LRP6: variants seen among roughly 807,000 people sequenced by gnomAD.
LRP6 encodes LDL receptor related protein 6.
LRP6 carries 43 observed loss-of-function variants against 184.1 expected under a neutral mutation model. The observed-to-expected ratio is 0.23, with a 90% CI of 0.18 to 0.30. The LOEUF (loss-of-function observed/expected upper bound fraction) is 0.30. Ranked by LOEUF, LRP6 falls within the 10% of genes least tolerant of loss-of-function variation. The probability of loss-of-function intolerance (pLI) is 1.00; values close to 1 mark genes in which losing one functional copy is unlikely to be tolerated. For missense variants in LRP6, 1,571 were observed against 2,005.3 expected, an observed-to-expected ratio of 0.78 and a Z score of 4.14; for synonymous variants, 719 against 684.9, an observed-to-expected ratio of 1.05 and a Z score of -0.78.
chr12:12,205,961 T>C (rs974230177), intron 2 of LRP6, among the ~76,000 whole-genome samples: 4 of 152,236 alleles, frequency 2.6e-5, no homozygotes, highest in Non-Finnish European at 5.9e-5. Flanking sequence ...CCTATAAAAC[T>C]ACAATACTGT....
intron 16 of LRP6, among the ~76,000 whole-genome samples, chr12:12,136,170 G>C (rs1400848847): frequency 6.6e-6 from 1 of 152,076 alleles, no homozygotes; most frequent in African/African-American, 2.4e-5. Flanking sequence ...CTGGGCGGCA[G>C]AGCAAGACTC....
intron 17 of LRP6, among the ~76,000 whole-genome samples, chr12:12,133,415 C>T (rs1414706810): frequency 2.6e-5 from 4 of 152,036 alleles, no homozygotes; most frequent in Non-Finnish European, 5.9e-5. Context: ...GTGTGTGGCA[C>T]TCCCTCTAGC....
intron 2 of LRP6, among the ~76,000 whole-genome samples, chr12:12,232,871 AGG>A (rs1864828977): frequency 6.6e-6 from 1 of 152,222 alleles, no homozygotes. Context: ...ACAAGAGGAA[AGG>A]GCTCAACTTA....
At chr12:12,230,843 GA>G (rs1047574932) in intron 2 of LRP6, among the ~76,000 whole-genome samples, 1 of 152,150 alleles carries the variant, frequency 6.6e-6, no homozygotes, top group African/African-American at 2.4e-5. Flanking sequence ...AACTTATCAA[GA>G]AAGTAGGAGA....
Position 12,266,807 on chromosome 12 carries a change from G to T in LRP6, c.-72C>A. The T allele has an allele frequency of 1.6e-6, 2 of 1,279,324 alleles. No individual in the cohort carries two copies. Among genetic ancestry groups the T allele is most frequent in the Non-Finnish European group, 2.2e-6 (2 of 891,922 alleles). The allele number at this position is 1,279,324 out of a possible 1,614,324, so 79.2% of individuals were successfully genotyped here. ...AGTGGGGGAGGCGAGGAGCCGGGGC[G>T]GCCGCCGCAGCGGCAGGGCTGCACG... On this transcript the variant is annotated 5_prime_UTR_variant, in exon 1 of 23. Coordinates refer to ENST00000261349, the MANE Select transcript of LRP6 (RefSeq NM_002336.3).
At chr12:12,257,779 C>CAAAAAAAAAAAAAAAAAAAAAA (rs1163180718) in intron 1 of LRP6, among the ~76,000 whole-genome samples, 7 of 35,326 alleles carry the variant, frequency 2.0e-4, no homozygotes, top group Admixed American at 5.9e-4. Context: ...CCTGTCTCTA[C>CAAAAAAAAAAAAAAAAAAAAAA]AAAAAAAAAA....
At chr12:12,213,303 T>C (rs1027312264) in intron 2 of LRP6, among the ~76,000 whole-genome samples, 1 of 152,134 alleles carries the variant, frequency 6.6e-6, no homozygotes, top group Non-Finnish European at 1.5e-5. Context: ...CATTTATTTA[T>C]TTTGCATCAC....
Position 12,121,444 on chromosome 12 carries a change from G to T in LRP6, c.4548-24C>A, listed in dbSNP as rs758481783. 16 of 1,610,254 alleles carry T rather than the reference G, an allele frequency of 9.9e-6. No individual in the cohort carries two copies. In the South Asian group the frequency reaches 1.6e-4, roughly 17 times the overall value. ...AGCTGGTATAGGGAGAAAATAAAGA[G>T]AAGCAGTTAGTTTTACAAAAAAAAA... On this transcript the variant is annotated intron_variant, in intron 22 of 22. Coordinates refer to ENST00000261349, the MANE Select transcript of LRP6 (RefSeq NM_002336.3).
In LRP6 at chr12:12,131,820, C is replaced by T; in HGVS notation, c.3970+1G>A. The stretch of plus-strand genomic sequence containing the variant: ...CTGAGGCACTGAAGAATTCTGGATA[C>T]CTTCACAGTTCTTCTCATCTGATTT... On this transcript the variant is annotated splice_donor_variant, in intron 18 of 22. Transcript: ENST00000261349. LOFTEE classifies it high-confidence loss of function. 1.2e-6 allele frequency: 2 copies of T among 1,612,356 alleles called. No homozygotes were observed. Among genetic ancestry groups the T allele is most frequent in the Non-Finnish European group, 1.7e-6 (2 of 1,178,376 alleles).
intron 2 of LRP6, among the ~76,000 whole-genome samples, chr12:12,219,703 A>G (rs1248610279): frequency 6.6e-6 from 1 of 152,176 alleles, no homozygotes; most frequent in East Asian, 1.9e-4. Flanking sequence ...CCACTTTCCT[A>G]TGTTTGGAGA....
intron 5 of LRP6, among the ~76,000 whole-genome samples, chr12:12,182,152 A>G (rs1057139132): frequency 6.6e-6 from 1 of 152,188 alleles, no homozygotes; most frequent in Admixed American, 6.5e-5. Context: ...AAACTTTGGG[A>G]AAATATCTAA....
chr12:12,205,344 A>G (rs992246323), intron 2 of LRP6, among the ~76,000 whole-genome samples: 1 of 147,246 alleles, frequency 6.8e-6, no homozygotes, highest in East Asian at 1.9e-4. Context: ...AAAAAAAAAA[A>G]AAAAAAAAAA....
chr12:12,249,162 A>G (rs1865262097), intron 1 of LRP6: 3 of 718,404 alleles, frequency 4.2e-6, no homozygotes, highest in Non-Finnish European at 7.5e-6. Context: ...TGCAAGAACA[A>G]TTTATGAAAA....
chr12:12,209,569 AAAGG>A (rs1412602467), intron 2 of LRP6, among the ~76,000 whole-genome samples: 4 of 152,244 alleles, frequency 2.6e-5, no homozygotes, highest in African/African-American at 7.2e-5. Flanking sequence ...TTTAAAATAT[AAAGG>A]AATAGATTTC....
chr12:12,247,373 G>C lies in LRP6; in HGVS notation c.56-2718C>G, dbSNP rs1865213746. 2.6e-5 allele frequency among the ~76,000 whole-genome samples: 4 copies of C among 152,142 alleles called. No individual in the cohort carries two copies. The South Asian group carries it at 8.3e-4, about 32-fold the overall frequency. ...GCCAAATGTCTTTCATTGCTTTCAAGTCAAACTTTAACACTTCTACGTGTA... is the reference window on the plus strand; with the variant it reads ...GCCAAATGTCTTTCATTGCTTTCAACTCAAACTTTAACACTTCTACGTGTA... On this transcript the variant is annotated intron_variant, in intron 1 of 22. Coordinates refer to ENST00000261349, the MANE Select transcript of LRP6 (RefSeq NM_002336.3).
intron 3 of LRP6, among the ~76,000 whole-genome samples, chr12:12,188,209 C>CA (rs753891360): frequency 0.039 from 2,508 of 64,874 alleles, 78 homozygotes; most frequent in African/African-American, 0.12. Flanking sequence ...AGACTCATCT[C>CA]AAAAAAAAAA....
chr12:12,166,992 G>A (rs535799897), intron 7 of LRP6, among the ~76,000 whole-genome samples: 36 of 152,246 alleles, frequency 2.4e-4, no homozygotes, highest in African/African-American at 8.2e-4. Flanking sequence ...CTAGCTACTA[G>A]GGAGGCTAAA....
rs1863649374 is a variant in LRP6 at position 12,192,708 on chromosome 12, G to C, written c.648-5589C>G. ...AGGAAGTTACAATTAGAAACATACA[G>C]GTACCTAAAAACAGAGCCCCAGAAC... On this transcript the variant is annotated intron_variant, in intron 3 of 22. Transcript: ENST00000261349. 7.2e-5 allele frequency among the ~76,000 whole-genome samples: 11 copies of C among 151,814 alleles called. No homozygotes were observed. The South Asian group carries it at 2.3e-3, about 31-fold the overall frequency.
intron 8 of LRP6, 24 bp downstream of exon 8, chr12:12,165,055 T>C (rs368229392): frequency 4.5e-6 from 7 of 1,568,934 alleles, no homozygotes; most frequent in Non-Finnish European, 6.1e-6. Flanking sequence ...TTCCCATTTC[T>C]AAGAAAGCTT....
Sources: gnomAD v4.1 joint callset for allele counts (sites outside exome capture counted in the v4.1 genomes callset) on GRCh38, gnomAD v4.1.1 for gene constraint, MANE v1.5 for transcripts, NCBI Gene and HGNC (gene_info 2026-07-23, HGNC 2026-07-21) for gene names.